The following SPPL3 variants were observed in gnomAD, a reference collection of about 807,000 sequenced individuals.
SPPL3 encodes signal peptide peptidase like 3.
Under a neutral mutation model 42.4 loss-of-function variants are expected in SPPL3, and 5 were observed. The ratio of observed to expected loss-of-function variants is 0.12; its 90% CI spans 0.06 to 0.25. SPPL3 has a LOEUF of 0.25. Ranked by LOEUF, SPPL3 falls within the 10% of genes least tolerant of loss-of-function variation. The pLI is 1.00. For missense variants in SPPL3, 235 were observed against 489.0 expected, an observed-to-expected ratio of 0.48 and a Z score of 4.90; for synonymous variants, 195 against 181.8, an observed-to-expected ratio of 1.07 and a Z score of -0.58.
At chr12:120,784,021 AT>A (rs201941413) in intron 4 of SPPL3, among the ~76,000 whole-genome samples, 6 of 151,688 alleles carry the variant, frequency 4.0e-5, no homozygotes, top group East Asian at 1.9e-4. Context: ...CATTTTGCCG[AT>A]TTTTTTTTAC....
intron 1 of SPPL3, among the ~76,000 whole-genome samples, chr12:120,893,224 G>A (rs950477419): frequency 6.6e-6 from 1 of 151,828 alleles, no homozygotes; most frequent in East Asian, 2.0e-4. Flanking sequence ...GCCGAGGTGG[G>A]CGGATCATGA....
At chr12:120,845,487 ATGGTTTCCACGT>A (rs1182781972) in intron 1 of SPPL3, 1 of 426,192 alleles carries the variant, frequency 2.3e-6, no homozygotes, top group Non-Finnish European at 4.6e-6. Context: ...CTTGTACTCC[ATGGTTTCCACGT>A]TGAAGCCTAT....
intron 1 of SPPL3, among the ~76,000 whole-genome samples, chr12:120,890,985 G>A (rs1298193778): frequency 5.9e-5 from 9 of 152,154 alleles, no homozygotes; most frequent in African/African-American, 2.2e-4. Flanking sequence ...CACAAAGGTG[G>A]ATTTCCAGAG....
intron 1 of SPPL3, among the ~76,000 whole-genome samples, chr12:120,851,264 T>C (rs1459015038): frequency 6.6e-6 from 1 of 152,160 alleles, no homozygotes; most frequent in African/African-American, 2.4e-5. Context: ...CAGCAGCACA[T>C]ACCACTTCTC....
rs151122310 is a variant in SPPL3, at chr12:120,859,836, G to A, written c.23+44009C>T. Among the ~76,000 whole-genome samples the A allele has an allele frequency of 3.6e-3, 555 of 152,232 alleles. 3 individuals are homozygous for A. The highest frequency in any genetic ancestry group is 0.013 in the African/African-American group (533 of 41,552). On this transcript the variant is annotated intron_variant, in intron 1 of 10. Coordinates refer to ENST00000353487, the MANE Select transcript of SPPL3 (RefSeq NM_139015.5). ...TGCGCACCTGTACTCCCAGCTACTC[G>A]GGAGGCTGAGGCAGGAGAACTGCTT...
At chr12:120,871,146 A>G (rs986947670) in intron 1 of SPPL3, among the ~76,000 whole-genome samples, 3 of 149,756 alleles carry the variant, frequency 2.0e-5, no homozygotes, top group African/African-American at 2.5e-5. Flanking sequence ...AAAAAAAAAA[A>G]AAAGAAAAAG....
At chr12:120,798,062 C>G (rs1189202092) in intron 2 of SPPL3, among the ~76,000 whole-genome samples, 2 of 152,184 alleles carry the variant, frequency 1.3e-5, no homozygotes, top group Non-Finnish European at 2.9e-5. Flanking sequence ...GGCCAACGAA[C>G]TGTTTAGCAA....
chr12:120,809,776 T>C (rs1279117442), intron 2 of SPPL3, among the ~76,000 whole-genome samples: 1 of 152,174 alleles, frequency 6.6e-6, no homozygotes, highest in African/African-American at 2.4e-5. Context: ...TACCTGGTAA[T>C]GCTACAAGGC....
intron 6 of SPPL3, among the ~76,000 whole-genome samples, chr12:120,777,575 CCCACCCTTTTACCATA>C (rs11269070): frequency 0.79 from 120,246 of 151,894 alleles, 48,193 homozygotes; most frequent in African/African-American, 0.9. Flanking sequence ...TCAGCACTTA[CCCACCCTTTTACCATA>C]CCACCCTTTT....
chr12:120,868,180 T>A (rs1417308686), intron 1 of SPPL3, among the ~76,000 whole-genome samples: 1 of 151,800 alleles, frequency 6.6e-6, no homozygotes, highest in East Asian at 1.9e-4. Context: ...CCCTTAAGCC[T>A]GGGAGGTCAT....
At chr12:120,827,988 A>G (rs1159138032) in intron 1 of SPPL3, among the ~76,000 whole-genome samples, 1 of 152,162 alleles carries the variant, frequency 6.6e-6, no homozygotes, top group Non-Finnish European at 1.5e-5. Context: ...GGGTTTTGCC[A>G]TGTTGGCCAG....
intron 1 of SPPL3, among the ~76,000 whole-genome samples, chr12:120,849,513 T>A (rs190556582): frequency 1.2e-4 from 18 of 152,304 alleles, no homozygotes; most frequent in African/African-American, 3.6e-4. Context: ...ACAGGTAAAA[T>A]GTAGACATGT....
intron 1 of SPPL3, among the ~76,000 whole-genome samples, chr12:120,851,284 G>A (rs935028224): frequency 5.3e-5 from 8 of 152,106 alleles, no homozygotes; most frequent in Non-Finnish European, 1.0e-4. Flanking sequence ...CCTCCACCAG[G>A]CTGCCTGTAA....
rs1016388834 is a variant in SPPL3, at chr12:120,904,357, AG to A, written c.-491del. The A allele has an allele frequency of 6.3e-5, 10 of 159,732 alleles. No individual in the cohort carries two copies. Among genetic ancestry groups the A allele is most frequent in the Non-Finnish European group, 1.2e-4 (9 of 73,720 alleles). 9.9% of individuals were successfully genotyped at this position (159,732 alleles called of 1,614,324 possible). On this transcript the variant is annotated 5_prime_UTR_variant, in exon 1 of 11. Transcript: ENST00000353487. ...CCACTCGATCACACCCGCCGAGGGG[AG>A]GAGGGGCGGGGGCGGGGGCGAGCCT...
intron 1 of SPPL3, among the ~76,000 whole-genome samples, chr12:120,896,310 A>C (rs116803377): frequency 6.6e-6 from 1 of 152,210 alleles, no homozygotes; most frequent in East Asian, 1.9e-4. Flanking sequence ...CTTATTAATA[A>C]AATCTGAGGG....
intron 2 of SPPL3, among the ~76,000 whole-genome samples, chr12:120,794,322 C>G (rs1870025624): frequency 1.3e-5 from 2 of 151,860 alleles, no homozygotes; most frequent in South Asian, 4.2e-4. Flanking sequence ...CCTTTTTTGG[C>G]TTTATAGTGT....
chr12:120,768,260 G>A, intron 8 of SPPL3, 65 bp downstream of exon 8: 1 of 1,543,926 alleles, frequency 6.5e-7, no homozygotes, highest in Non-Finnish European at 8.8e-7. Flanking sequence ...ATTAGAGACT[G>A]ATCAAGGCCG....
At chr12:120,883,245 C>T (rs904425145) in intron 1 of SPPL3, among the ~76,000 whole-genome samples, 6 of 152,158 alleles carry the variant, frequency 3.9e-5, no homozygotes, top group East Asian at 1.9e-4. Context: ...GCAGAGCTTG[C>T]AGTGAGCCGA....
intron 10 of SPPL3, among the ~76,000 whole-genome samples, 165 bp downstream of exon 10, chr12:120,766,098 G>GCACA (rs750703823): frequency 0.019 from 2,679 of 143,822 alleles, 36 homozygotes; most frequent in East Asian, 0.074. Flanking sequence ...TAGCGCGCGC[G>GCACA]CGCACACACA....
Sources: gnomAD v4.1 joint callset for allele counts (sites outside exome capture counted in the v4.1 genomes callset) on GRCh38, gnomAD v4.1.1 for gene constraint, MANE v1.5 for transcripts, NCBI Gene and HGNC (gene_info 2026-07-23, HGNC 2026-07-21) for gene names.